PBX3: variants seen among roughly 807,000 people sequenced by gnomAD.
PBX3 encodes PBX homeobox 3, also known as pre-B-cell leukemia transcription factor 3.
Under a neutral mutation model 48.5 loss-of-function variants are expected in PBX3, and 14 were observed. The observed-to-expected ratio is 0.29, with a 90% CI of 0.19 to 0.45. The LOEUF (loss-of-function observed/expected upper bound fraction) is 0.45, where lower values mean the gene tolerates loss of function less well. Ranked by LOEUF, PBX3 falls within the 20% of genes least tolerant of loss-of-function variation. PBX3 has a pLI of 1.00. For synonymous variants in PBX3, 210 were observed against 200.3 expected (o/e 1.05, Z -0.41); for missense variants, 386 against 546.7 (o/e 0.71, Z 2.93).
intron 3 of PBX3, among the ~76,000 whole-genome samples, chr9:125,925,880 T>G (rs1841564046): frequency 6.6e-6 from 1 of 152,220 alleles, no homozygotes; most frequent in Admixed American, 6.5e-5. Context: ...CCTTGAAGAT[T>G]TATTACAAAT....
chr9:125,778,588 A>G (rs1000427783), intron 2 of PBX3, among the ~76,000 whole-genome samples: 2 of 141,004 alleles, frequency 1.4e-5, no homozygotes, highest in Non-Finnish European at 3.0e-5. Flanking sequence ...AAAGTTTATC[A>G]ATTTTGTTGA....
intron 2 of PBX3, among the ~76,000 whole-genome samples, chr9:125,792,594 G>A (rs1275352688): frequency 6.6e-6 from 1 of 151,944 alleles, no homozygotes; most frequent in African/African-American, 2.4e-5. Context: ...AGGGAGCAGT[G>A]GTTTCCCATT....
At chr9:125,879,169 C>T (rs1222628178) in intron 2 of PBX3, among the ~76,000 whole-genome samples, 2 of 151,232 alleles carry the variant, frequency 1.3e-5, no homozygotes, top group Admixed American at 6.6e-5. Flanking sequence ...CCTCTGCCTC[C>T]TGGGTTCAAG....
chr9:125,962,719 A>T (rs968011917), intron 7 of PBX3, among the ~76,000 whole-genome samples: 1 of 152,228 alleles, frequency 6.6e-6, no homozygotes, highest in Non-Finnish European at 1.5e-5. Context: ...ATAATTCCAT[A>T]TACACAATTC....
intron 2 of PBX3, among the ~76,000 whole-genome samples, chr9:125,892,712 A>T (rs1355034094): frequency 6.6e-6 from 1 of 152,234 alleles, no homozygotes; most frequent in African/African-American, 2.4e-5. Context: ...GAACTGCCTG[A>T]AGTCCTCTTT....
intron 2 of PBX3, among the ~76,000 whole-genome samples, chr9:125,873,301 C>T (rs1424446048): frequency 6.6e-6 from 1 of 151,972 alleles, no homozygotes; most frequent in Non-Finnish European, 1.5e-5. Context: ...AATAATCAGA[C>T]AAAAATCTGT....
chr9:125,878,114 A>G (rs759836107), intron 2 of PBX3, among the ~76,000 whole-genome samples: 2 of 152,348 alleles, frequency 1.3e-5, no homozygotes, highest in Non-Finnish European at 2.9e-5. Flanking sequence ...GATTTGTGGA[A>G]ATGGAATCTC....
intron 2 of PBX3, among the ~76,000 whole-genome samples, chr9:125,791,155 A>G (rs1837591320): frequency 6.6e-6 from 1 of 152,106 alleles, no homozygotes; most frequent in South Asian, 2.1e-4. Flanking sequence ...ACTTCAGGTG[A>G]TCCACCCGCC....
chr9:125,937,727 A>G (rs952037488), intron 5 of PBX3, among the ~76,000 whole-genome samples: 19 of 152,170 alleles, frequency 1.2e-4, no homozygotes, highest in African/African-American at 4.1e-4. Flanking sequence ...GGGATATGTT[A>G]TCACAGCTCA....
chr9:125,801,384 A>G (rs1279728400), intron 2 of PBX3, among the ~76,000 whole-genome samples: 2 of 152,154 alleles, frequency 1.3e-5, no homozygotes, highest in Non-Finnish European at 2.9e-5. Flanking sequence ...TGTCATTCTT[A>G]TATTTTTCTT....
intron 2 of PBX3, among the ~76,000 whole-genome samples, chr9:125,845,436 T>G (rs1434511467): frequency 3.9e-5 from 6 of 152,138 alleles, no homozygotes; most frequent in Non-Finnish European, 7.4e-5. Flanking sequence ...AAAGCAACTC[T>G]GTACTGTTGT....
At chr9:125,938,963 AT>A (rs1841898989) in intron 5 of PBX3, among the ~76,000 whole-genome samples, 1 of 151,838 alleles carries the variant, frequency 6.6e-6, no homozygotes, top group African/African-American at 2.4e-5. Context: ...GAAAAAAAAA[AT>A]GTGTGTTTGC....
intron 4 of PBX3, among the ~76,000 whole-genome samples, chr9:125,934,158 G>A (rs891328678): frequency 1.3e-5 from 2 of 152,078 alleles, no homozygotes; most frequent in Non-Finnish European, 2.9e-5. Flanking sequence ...TTGAAATTAA[G>A]ACATTTCAGG....
At chr9:125,754,974 T>A (rs912041169) in intron 2 of PBX3, among the ~76,000 whole-genome samples, 11 of 152,130 alleles carry the variant, frequency 7.2e-5, no homozygotes. Flanking sequence ...AACTCTTTTT[T>A]AGTGATCATA....
chr9:125,821,301 C>T (rs901105336), intron 2 of PBX3, among the ~76,000 whole-genome samples: 1 of 152,046 alleles, frequency 6.6e-6, no homozygotes, highest in Non-Finnish European at 1.5e-5. Flanking sequence ...ACCACAGATA[C>T]TAGAGACTTC....
At chr9:125,940,251 G>A (rs1322417272) in intron 5 of PBX3, among the ~76,000 whole-genome samples, 1 of 152,088 alleles carries the variant, frequency 6.6e-6, no homozygotes, top group East Asian at 1.9e-4. Flanking sequence ...AGGAGTTTCA[G>A]TATTACTAAC....
chr9:125,851,579 C>T (rs1839579306), intron 2 of PBX3, among the ~76,000 whole-genome samples: 1 of 152,030 alleles, frequency 6.6e-6, no homozygotes. Flanking sequence ...TTGTTTTGAT[C>T]AGAGCTATAT....
intron 2 of PBX3, among the ~76,000 whole-genome samples, chr9:125,773,834 C>T (rs1238288159): frequency 6.6e-6 from 1 of 152,102 alleles, no homozygotes; most frequent in Non-Finnish European, 1.5e-5. Flanking sequence ...TGCTTGAGGA[C>T]ATTAGTTTTT....
intron 2 of PBX3, among the ~76,000 whole-genome samples, chr9:125,780,790 C>T (rs1281758812): frequency 6.7e-6 from 1 of 148,298 alleles, no homozygotes; most frequent in Non-Finnish European, 1.5e-5. Flanking sequence ...CCCCCACCTC[C>T]CTCCCGGACG....
Sources: gnomAD v4.1 joint callset for allele counts (sites outside exome capture counted in the v4.1 genomes callset) on GRCh38, gnomAD v4.1.1 for gene constraint, MANE v1.5 for transcripts, NCBI Gene and HGNC (gene_info 2026-07-23, HGNC 2026-07-21) for gene names.